DENND5B: variants seen among roughly 807,000 people sequenced by gnomAD.
DENND5B encodes the protein DENN domain containing 5B.
A neutral mutation model predicts 140.6 loss-of-function variants in DENND5B; 34 were observed. That is an observed-to-expected ratio of 0.24 (90% CI 0.18 to 0.32). DENND5B has a LOEUF of 0.32. DENND5B is among the 10% of genes least tolerant of loss of function. DENND5B has a pLI of 1.00. For missense variants in DENND5B, 1,142 were observed against 1,560.2 expected (o/e 0.73, Z 4.52); for synonymous variants, 551 against 562.1 (o/e 0.98, Z 0.28).
At chr12:31,571,194 A>C (rs3803112) in intron 1 of DENND5B, among the ~76,000 whole-genome samples, 18,026 of 152,188 alleles carry the variant, frequency 0.12, 1,270 homozygotes, top group East Asian at 0.25. Flanking sequence ...CAGGGAGACA[A>C]CCAGATTTTT....
chr12:31,409,474 C>A (rs1440548854), intron 13 of DENND5B, 90 bp from the exon 14 acceptor site: 188 of 285,196 alleles, frequency 6.6e-4, no homozygotes, highest in Non-Finnish European at 8.2e-4. Context: ...TTCATTATGT[C>A]TTTTTTTTTT....
At chr12:31,461,863 T>C (rs1295234422) in intron 3 of DENND5B, among the ~76,000 whole-genome samples, 1 of 152,152 alleles carries the variant, frequency 6.6e-6, no homozygotes, top group Non-Finnish European at 1.5e-5. Context: ...GGGAGTCTTT[T>C]TAAAAAGGTT....
At chr12:31,507,950 C>T (rs1309828081) in intron 1 of DENND5B, among the ~76,000 whole-genome samples, 1 of 152,208 alleles carries the variant, frequency 6.6e-6, no homozygotes, top group East Asian at 1.9e-4. Flanking sequence ...TATTTACCTT[C>T]TATGGAAATT....
chr12:31,526,717 T>C (rs1374305398), intron 1 of DENND5B, among the ~76,000 whole-genome samples: 1 of 152,128 alleles, frequency 6.6e-6, no homozygotes, highest in African/African-American at 2.4e-5. Context: ...AGCCTGGAGT[T>C]TAGTTAACAG....
rs773587845 is a variant in DENND5B at position 31,452,099 on chromosome 12, C to A, written c.1470G>T (p.Glu490Asp). ...KDKDLKLHCEEAELRDYQLNV... is the reference protein window; with the variant it reads ...KDKDLKLHCEDAELRDYQLNV... ...TGAGCTGGTAGTCCCTTAGTTCTGC[C>A]TCTTCACAATGCAGTTTTAAATCCT... Residue 490 changes from glutamate (E) to aspartate (D), a missense_variant, in exon 5 of 21, where the codon GAG becomes GAT. Physicochemically the swap from Glu to Asp is conservative, Grantham distance 45. Coordinates refer to ENST00000389082, the MANE Select transcript of DENND5B (RefSeq NM_144973.4). The A allele has an allele frequency of 6.2e-7, 1 of 1,613,814 alleles. No homozygotes were observed. Among genetic ancestry groups the A allele is most frequent in the African/African-American group, 1.3e-5 (1 of 74,898 alleles).
chr12:31,557,897 TG>T, intron 1 of DENND5B, among the ~76,000 whole-genome samples: 1 of 150,536 alleles, frequency 6.6e-6, no homozygotes, highest in East Asian at 2.0e-4. Flanking sequence ...GAAGCTGCTC[TG>T]AAGTCTCCCA....
intron 3 of DENND5B, among the ~76,000 whole-genome samples, chr12:31,462,513 G>A (rs1040407176): frequency 6.6e-6 from 1 of 151,988 alleles, no homozygotes; most frequent in Non-Finnish European, 1.5e-5. Context: ...CCTCTCTGTG[G>A]GTTTCCTAAG....
At position 31,449,735 on chromosome 12, in the gene DENND5B, T is replaced by TTTTG. The variant is rs200616818; in HGVS notation, c.1630-1967_1630-1966insCAAA. Reference sequence around the variant, plus strand: ...ACCATGGATATACACAGATTAGTTTTTTTTTTTTTTTTTTGAGACAGAGTC... The same window carrying TTTTG: ...ACCATGGATATACACAGATTAGTTTTTTTGTTTTTTTTTTTTTTGAGACAGAGTC... On this transcript the variant is annotated intron_variant, in intron 5 of 20. Coordinates refer to ENST00000389082, the MANE Select transcript of DENND5B (RefSeq NM_144973.4). 2.1e-3 allele frequency among the ~76,000 whole-genome samples: 296 copies of TTTTG among 138,142 alleles called. 8 individuals are homozygous for TTTTG. Among genetic ancestry groups the TTTTG allele is most frequent in the Non-Finnish European group, 3.3e-3 (208 of 63,142 alleles). The allele number at this position is 138,142 out of a possible 152,430, so 90.6% of individuals were successfully genotyped here.
intron 1 of DENND5B, among the ~76,000 whole-genome samples, chr12:31,566,576 A>G (rs560023763): frequency 6.6e-6 from 1 of 151,996 alleles, no homozygotes; most frequent in Non-Finnish European, 1.5e-5. Context: ...CAAGACGAGC[A>G]AGGGCCACAT....
At chr12:31,460,884 C>A (rs995831427) in intron 3 of DENND5B, among the ~76,000 whole-genome samples, 1 of 152,038 alleles carries the variant, frequency 6.6e-6, no homozygotes, top group African/African-American at 2.4e-5. Context: ...CACCACCACA[C>A]CAGGCTAATT....
intron 1 of DENND5B, among the ~76,000 whole-genome samples, chr12:31,503,253 C>A (rs1947078306): frequency 6.6e-6 from 1 of 152,112 alleles, no homozygotes; most frequent in Non-Finnish European, 1.5e-5. Context: ...GAAAAGCAAG[C>A]ATGAGCTTTA....
At chr12:31,476,887 G>A (rs1945837766) in intron 3 of DENND5B, among the ~76,000 whole-genome samples, 1 of 152,162 alleles carries the variant, frequency 6.6e-6, no homozygotes, top group Non-Finnish European at 1.5e-5. Flanking sequence ...TGAACTTCAA[G>A]ATTCAAGAAA....
chr12:31,572,019 G>A (rs1457893888), intron 1 of DENND5B, among the ~76,000 whole-genome samples: 2 of 152,154 alleles, frequency 1.3e-5, no homozygotes, highest in African/African-American at 2.4e-5. Context: ...GAGGTCGGGA[G>A]CTCAAGACCA....
chr12:31,477,153 G>A (rs1191671229), intron 3 of DENND5B, among the ~76,000 whole-genome samples: 4 of 151,906 alleles, frequency 2.6e-5, no homozygotes, highest in Non-Finnish European at 5.9e-5. Flanking sequence ...GTTTGAACCC[G>A]GGAGGCGGTG....
intron 8 of DENND5B, among the ~76,000 whole-genome samples, chr12:31,430,495 T>TAA (rs1565570923): frequency 4.7e-4 from 1 of 2,130 alleles, no homozygotes; most frequent in Non-Finnish European, 1.2e-3. Context: ...CTACTAAAAA[T>TAA]ACAAAAAAAA....
chr12:31,517,083 G>C (rs1254810959), intron 1 of DENND5B, among the ~76,000 whole-genome samples: 1 of 151,962 alleles, frequency 6.6e-6, no homozygotes, highest in East Asian at 1.9e-4. Flanking sequence ...ACAGAAATAT[G>C]AATCTTAAAT....
At chr12:31,571,687 G>A (rs10843969) in intron 1 of DENND5B, among the ~76,000 whole-genome samples, 61,459 of 151,634 alleles carry the variant, frequency 0.41, 12,948 homozygotes, top group East Asian at 0.57. Flanking sequence ...GCACGTTCTC[G>A]GCTCACTGCA....
intron 1 of DENND5B, chr12:31,541,035 A>G (rs781429669): frequency 5.5e-6 from 2 of 364,028 alleles, no homozygotes; most frequent in South Asian, 3.3e-5. Context: ...CGTATCTCTT[A>G]CCATATAAAA....
At chr12:31,538,817 C>T (rs1018771531) in intron 1 of DENND5B, among the ~76,000 whole-genome samples, 47 of 151,896 alleles carry the variant, frequency 3.1e-4, no homozygotes, top group Admixed American at 2.6e-3. Flanking sequence ...TGTAGTGAGC[C>T]GAGATTGTGC....
Sources: allele counts gnomAD v4.1 joint callset (sites outside exome capture counted in the v4.1 genomes callset), GRCh38; gene constraint gnomAD v4.1.1; transcripts MANE v1.5; gene names NCBI Gene and HGNC (gene_info 2026-07-23, HGNC 2026-07-21).